Variants in FSTL4 observed in about 807,000 individuals in gnomAD.
FSTL4 encodes the protein follistatin like 4.
Under a neutral mutation model 78.2 loss-of-function variants are expected in FSTL4, and 28 were observed. The ratio of observed to expected loss-of-function variants is 0.36; its 90% CI spans 0.27 to 0.49. The LOEUF (loss-of-function observed/expected upper bound fraction) is 0.49, where lower values mean the gene tolerates loss of function less well. Ranked by LOEUF, FSTL4 falls within the 20% of genes least tolerant of loss-of-function variation. The pLI is 0.98. For synonymous variants in FSTL4, 422 were observed against 440.5 expected, an observed-to-expected ratio of 0.96 and a Z score of 0.53; for missense variants, 922 against 1,084.9, an observed-to-expected ratio of 0.85 and a Z score of 2.11.
chr5:133,214,340 G>T (rs1045016412), intron 13 of FSTL4, among the ~76,000 whole-genome samples: 2 of 152,102 alleles, frequency 1.3e-5, no homozygotes, highest in African/African-American at 2.4e-5. Context: ...TCTGGCCAGG[G>T]GAATCAATAA....
At position 133,371,148 on chromosome 5, in the gene FSTL4, C is replaced by T. The variant is rs920478495; in HGVS notation, c.409+29590G>A. On this transcript the variant is annotated intron_variant, in intron 4 of 15. Coordinates refer to ENST00000265342, the MANE Select transcript of FSTL4 (RefSeq NM_015082.2). ...ACAGCGCACAGAGGGCCAACGGTCCCGAGGACTCAGAGGGTCACCAACCCC... is the reference window on the plus strand; with the variant it reads ...ACAGCGCACAGAGGGCCAACGGTCCTGAGGACTCAGAGGGTCACCAACCCC... Among the ~76,000 whole-genome samples, 9 of 152,174 alleles carry T rather than the reference C, an allele frequency of 5.9e-5. No homozygotes were observed. In the East Asian group the frequency reaches 1.2e-3, roughly 20 times the overall value.
chr5:133,590,745 G>A (rs1760606284), intron 2 of FSTL4, among the ~76,000 whole-genome samples: 1 of 152,150 alleles, frequency 6.6e-6, no homozygotes, highest in South Asian at 2.1e-4. Context: ...ATTTTGTGCT[G>A]CTATAACAGA....
the FSTL4 span, among the ~76,000 whole-genome samples, chr5:133,647,327 C>T: frequency 1.3e-5 from 2 of 152,122 alleles, no homozygotes; most frequent in African/African-American, 2.4e-5. Flanking sequence ...TATTGAGTTC[C>T]GTAAATTGAC....
intron 4 of FSTL4, among the ~76,000 whole-genome samples, chr5:133,353,487 C>T (rs537223202): frequency 6.6e-6 from 1 of 152,262 alleles, no homozygotes; most frequent in East Asian, 1.9e-4. Context: ...TTCCTCCTGC[C>T]CTCCCCTGGA....
chr5:133,270,447 CTG>C (rs757892374), intron 6 of FSTL4, among the ~76,000 whole-genome samples: 1 of 152,234 alleles, frequency 6.6e-6, no homozygotes, highest in Non-Finnish European at 1.5e-5. Context: ...CATAAAGAGA[CTG>C]TGCCACAGAA....
chr5:133,282,568 G>A (rs1374894623), intron 6 of FSTL4, among the ~76,000 whole-genome samples: 1 of 152,230 alleles, frequency 6.6e-6, no homozygotes, highest in Non-Finnish European at 1.5e-5. Context: ...TGAGCTGGAG[G>A]TGCAGCAGTG....
chr5:133,404,940 C>CAT (rs1756322675), intron 3 of FSTL4, among the ~76,000 whole-genome samples: 1 of 152,194 alleles, frequency 6.6e-6, no homozygotes, highest in African/African-American at 2.4e-5. Context: ...TTCTCAGGGA[C>CAT]AGTGCCCCAA....
chr5:133,557,840 G>A (rs573788319), intron 3 of FSTL4, among the ~76,000 whole-genome samples: 1 of 152,332 alleles, frequency 6.6e-6, no homozygotes, highest in East Asian at 1.9e-4. Context: ...GTTTGAGCTA[G>A]TTGGGTTGGG....
At chr5:133,441,423 T>C (rs1005258982) in intron 3 of FSTL4, among the ~76,000 whole-genome samples, 2 of 152,096 alleles carry the variant, frequency 1.3e-5, no homozygotes, top group Non-Finnish European at 2.9e-5. Flanking sequence ...TAGGAAACAA[T>C]GAGAGCACTG....
intron 4 of FSTL4, among the ~76,000 whole-genome samples, chr5:133,356,648 A>G (rs2126930923): frequency 6.8e-6 from 1 of 147,304 alleles, no homozygotes; most frequent in Admixed American, 6.7e-5. Context: ...GTGAGCAGAA[A>G]CCACTTTGTA....
At chr5:133,307,983 T>C (rs1289011856) in intron 6 of FSTL4, among the ~76,000 whole-genome samples, 1 of 152,122 alleles carries the variant, frequency 6.6e-6, no homozygotes, top group Non-Finnish European at 1.5e-5. Flanking sequence ...GGTTTCACCA[T>C]GTTAGCCAGG....
the FSTL4 span, among the ~76,000 whole-genome samples, chr5:133,713,593 T>C: frequency 6.6e-6 from 1 of 152,150 alleles, no homozygotes; most frequent in Non-Finnish European, 1.5e-5. Context: ...ACCAGACAGC[T>C]TTTGGAGGAT....
the FSTL4 span, among the ~76,000 whole-genome samples, chr5:133,801,135 C>T: frequency 2.0e-5 from 3 of 152,146 alleles, no homozygotes; most frequent in Non-Finnish European, 2.9e-5. Context: ...CCAGATATTT[C>T]TGTTCCTCGG....
chr5:133,498,536 T>C (rs566843348), intron 3 of FSTL4, among the ~76,000 whole-genome samples: 3 of 152,126 alleles, frequency 2.0e-5, no homozygotes, highest in South Asian at 4.1e-4. Flanking sequence ...CTGGCTAACA[T>C]GGTGAAACCC....
At chr5:133,464,166 G>A (rs1248116805) in intron 3 of FSTL4, among the ~76,000 whole-genome samples, 1 of 152,120 alleles carries the variant, frequency 6.6e-6, no homozygotes, top group Non-Finnish European at 1.5e-5. Flanking sequence ...AAGCAGTGTT[G>A]GGGCCGCCCC....
At chr5:133,249,663 G>A in intron 6 of FSTL4, 87 bp from the exon 7 acceptor site, 1 of 1,063,246 alleles carries the variant, frequency 9.4e-7, no homozygotes, top group South Asian at 1.5e-5. Context: ...AATTTCCTGG[G>A]TGGAAGAGGC....
the FSTL4 span, among the ~76,000 whole-genome samples, chr5:133,627,687 A>G: frequency 1.4e-3 from 210 of 152,296 alleles, 2 homozygotes; most frequent in African/African-American, 4.4e-3. Context: ...TTTTTAATCC[A>G]TTCTGAAAAT....
the FSTL4 span, among the ~76,000 whole-genome samples, chr5:133,758,351 C>T: frequency 6.6e-6 from 1 of 152,094 alleles, no homozygotes; most frequent in Non-Finnish European, 1.5e-5. Context: ...AAATCTCATT[C>T]ACAATATCAA....
At chr5:133,626,169 A>G in the FSTL4 span, among the ~76,000 whole-genome samples, 176 of 7,058 alleles carry the variant, frequency 0.025, no homozygotes, top group Admixed American at 0.11. Flanking sequence ...CCATATATAT[A>G]TATTCCATAT....
Sources: gnomAD v4.1 joint callset for allele counts (sites outside exome capture counted in the v4.1 genomes callset) on GRCh38, gnomAD v4.1.1 for gene constraint, MANE v1.5 for transcripts, NCBI Gene and HGNC (gene_info 2026-07-23, HGNC 2026-07-21) for gene names.